Variants in ALG6 observed in about 807,000 individuals in gnomAD.
ALG6 encodes the protein dolichyl pyrophosphate Man9GlcNAc2 alpha-1,3-glucosyltransferase.
A neutral mutation model predicts 66.6 loss-of-function variants in ALG6; 46 were observed. The observed-to-expected ratio is 0.69, with a 90% CI of 0.55 to 0.88. The LOEUF is 0.88. Ranked by LOEUF, ALG6 falls within the 40% of genes least tolerant of loss-of-function variation. The pLI is 0.00. For synonymous variants in ALG6, 185 were observed against 203.7 expected (o/e 0.91, Z 0.78); for missense variants, 505 against 586.8 (o/e 0.86, Z 1.44).
rs367602032 is a variant in ALG6 at position 63,424,053 on chromosome 1, C to T, written c.1058+4613C>T. The stretch of plus-strand genomic sequence containing the variant: ...CTCATCGTGATTCTGATTTGCATAT[C>T]CCTAATTACTAATGATATTGAACAT... On this transcript the variant is annotated intron_variant, in intron 12 of 14. Transcript: ENST00000263440. Among the ~76,000 whole-genome samples, 10 of 152,282 alleles carry T rather than the reference C, an allele frequency of 6.6e-5. No homozygotes were observed. The East Asian group carries it at 9.6e-4, about 15-fold the overall frequency.
intron 5 of ALG6, among the ~76,000 whole-genome samples, chr1:63,405,459 T>C (rs74880649): frequency 1.3e-5 from 2 of 152,144 alleles, no homozygotes; most frequent in African/African-American, 4.8e-5. Context: ...ACAAGTCTGA[T>C]CCCTTGTATC....
intron 2 of ALG6, among the ~76,000 whole-genome samples, chr1:63,371,568 A>T (rs1285901289): frequency 6.6e-6 from 1 of 152,144 alleles, no homozygotes; most frequent in Non-Finnish European, 1.5e-5. Flanking sequence ...CAAGATGAAT[A>T]GCCAATACTC....
At chr1:63,422,238 T>TATTTATATAG (rs1304712406) in intron 12 of ALG6, among the ~76,000 whole-genome samples, 1,040 of 73,818 alleles carry the variant, frequency 0.014, 198 homozygotes, top group African/African-American at 0.016. Context: ...TATAAATATA[T>TATTTATATAG]ATATAAATAT....
chr1:63,400,446 T>C (rs1456104142), intron 3 of ALG6, among the ~76,000 whole-genome samples: 16 of 148,834 alleles, frequency 1.1e-4, no homozygotes, highest in African/African-American at 4.0e-4. Flanking sequence ...GATGCTTTAC[T>C]TGAAACACTT....
intron 3 of ALG6, 26 bp from the exon 4 acceptor site, chr1:63,402,228 T>C (rs1160272434): frequency 7.4e-7 from 1 of 1,345,574 alleles, no homozygotes; most frequent in South Asian, 1.2e-5. Context: ...AACGGAATGG[T>C]GCTTTCTTCT....
At position 63,411,190 on chromosome 1, in the gene ALG6, G is replaced by C. The variant is rs1188111487; in HGVS notation, c.539G>C (p.Gly180Ala). ...GGCTTTGCTTTGTGGGGTGTTCTTG[G>C]AATATCTTGTGACTGCGACCTCCTA... ...SLGFALWGVL[G>A]ISCDCDLLGS... The change falls in exon 8 of 15, where the codon GGA becomes GCA. Residue 180 changes from glycine (G) to alanine (A), a missense_variant. By Grantham distance (60) the Gly-to-Ala change is moderately conservative. Coordinates refer to ENST00000263440, the MANE Select transcript of ALG6 (RefSeq NM_013339.4). 2 of 1,613,820 alleles carry C rather than the reference G, an allele frequency of 1.2e-6. No individual in the cohort carries two copies. Among genetic ancestry groups the C allele is most frequent in the Admixed American group, 1.7e-5 (1 of 59,994 alleles).
intron 2 of ALG6, among the ~76,000 whole-genome samples, chr1:63,381,954 T>A (rs1360841603): frequency 6.6e-6 from 1 of 152,148 alleles, no homozygotes; most frequent in Admixed American, 6.5e-5. Context: ...TCAGGCACTG[T>A]AACCTTGGGC....
intron 3 of ALG6, among the ~76,000 whole-genome samples, chr1:63,400,320 CGTATATAT>C (rs1557587815): frequency 0.025 from 113 of 4,474 alleles, 33 homozygotes; most frequent in African/African-American, 0.18. Flanking sequence ...TATATATATA[CGTATATAT>C]ATATATACGT....
chr1:63,410,541 C>T (rs1180702125), intron 7 of ALG6, among the ~76,000 whole-genome samples: 1 of 152,116 alleles, frequency 6.6e-6, no homozygotes, highest in Non-Finnish European at 1.5e-5. Context: ...AGGTGTGAGC[C>T]ACGACTTCTG....
chr1:63,422,262 G>GATATAAATATATATATTTATATCT (rs1644584902), intron 12 of ALG6, among the ~76,000 whole-genome samples: 1 of 31,020 alleles, frequency 3.2e-5, no homozygotes, highest in Non-Finnish European at 5.1e-5. Context: ...TATTTATATA[G>GATATAAATATATATATTTATATCT]ATATAAATAT....
In ALG6 at chr1:63,375,167, A is replaced by C. The variant is rs111578516; in HGVS notation, c.82+4108A>C. On this transcript the variant is annotated intron_variant, in intron 2 of 14. Coordinates refer to ENST00000263440, the MANE Select transcript of ALG6 (RefSeq NM_013339.4). ...AGTGAGCCAGAGATGGTGCCACTGC[A>C]CTTCAGCCTGGGTGACAGAGGGAGA... Among the ~76,000 whole-genome samples the C allele has an allele frequency of 2.9e-3, 434 of 152,144 alleles. 3 individuals are homozygous for C. The highest frequency in any genetic ancestry group is 9.6e-3 in the African/African-American group (397 of 41,528).
In ALG6 at chr1:63,411,220, C is replaced by A; in HGVS notation, c.569C>A (p.Ser190Ter). The change falls in exon 8 of 15, where the codon TCA becomes TAA. Residue 190 changes from serine (S) to a stop codon, truncating the protein, a stop_gained. Coordinates refer to ENST00000263440, the MANE Select transcript of ALG6 (RefSeq NM_013339.4). LOFTEE classifies it high-confidence loss of function. ...GISCDCDLLGSLAFCLAINYK... is the reference protein window; with the variant it reads ...GISCDCDLLG The stretch of plus-strand genomic sequence containing the variant: ...TCTTGTGACTGCGACCTCCTAGGGT[C>A]ACTGGCATTTTGCTTAGCTATAAAT... The A allele has an allele frequency of 6.2e-7, 1 of 1,613,900 alleles. No individual in the cohort carries two copies. Among genetic ancestry groups the A allele is most frequent in the African/African-American group, 1.3e-5 (1 of 75,012 alleles).
At position 63,404,465 on chromosome 1, in the gene ALG6, A is replaced by G. The variant is rs1248079403; in HGVS notation, c.270A>G (p.Ile90Met). The stretch of plus-strand genomic sequence containing the variant: ...CTTTGATTTGCAGGGCAAAGTTTAT[A>G]AATCCAGACTGGATTGCTCTCCATA... ...SLLCAYVAKF[I>M]NPDWIALHTS... Residue 90 changes from isoleucine (I) to methionine (M), a missense_variant, in exon 5 of 15, where the codon ATA becomes ATG. By Grantham distance (10) the Ile-to-Met change is conservative (BLOSUM62 1). Transcript: ENST00000263440. 22 of 1,613,526 alleles carry G rather than the reference A, an allele frequency of 1.4e-5. No homozygotes were observed. The highest frequency in any genetic ancestry group is 1.9e-5 in the Non-Finnish European group (22 of 1,179,638).
intron 12 of ALG6, among the ~76,000 whole-genome samples, chr1:63,427,675 T>A (rs911829268): frequency 6.6e-6 from 1 of 152,106 alleles, no homozygotes; most frequent in Non-Finnish European, 1.5e-5. Context: ...GACTCAGGGC[T>A]TCACACTAGC....
chr1:63,419,332 AGTT>A, intron 11 of ALG6, 35 bp from the exon 12 acceptor site: 1 of 1,463,382 alleles, frequency 6.8e-7, no homozygotes, highest in Non-Finnish European at 9.5e-7. Flanking sequence ...CTATTTCACA[AGTT>A]GTTATATCTC....
At chr1:63,427,943 A>G (rs1644625851) in intron 12 of ALG6, among the ~76,000 whole-genome samples, 1 of 151,816 alleles carries the variant, frequency 6.6e-6, no homozygotes, top group Non-Finnish European at 1.5e-5. Flanking sequence ...AGTAGCTGGG[A>G]TTACAGGCAC....
At chr1:63,402,124 T>G in intron 3 of ALG6, 130 bp from the exon 4 acceptor site, 1 of 708,194 alleles carries the variant, frequency 1.4e-6, no homozygotes, top group Non-Finnish European at 2.5e-6. Flanking sequence ...CATGGCTTAA[T>G]TATTAATAGC....
chr1:63,422,408 A>AATATATATATAAATATAAATATCT (rs1557595345), intron 12 of ALG6, among the ~76,000 whole-genome samples: 1 of 85,954 alleles, frequency 1.2e-5, no homozygotes, highest in Non-Finnish European at 2.2e-5. Flanking sequence ...TATCTATATA[A>AATATATATATAAATATAAATATCT]ATATAAATAT....
In ALG6 at chr1:63,437,164, T is replaced by C. The variant is rs951559077; in HGVS notation, c.*144T>C. ...CAGGAAAGGAAATGGTGAAAAGTCA[T>C]TGTTGTCTACACAAAATAAATGTAT... On this transcript the variant is annotated 3_prime_UTR_variant, in exon 15 of 15. Coordinates refer to ENST00000263440, the MANE Select transcript of ALG6 (RefSeq NM_013339.4). 1.3e-6 allele frequency: 1 copy of C among 748,740 alleles called. No homozygotes were observed. The allele number at this position is 748,740 out of a possible 1,614,324, so 46.4% of individuals were successfully genotyped here. A position where few individuals can be genotyped will look rare whatever the true frequency, so the allele number is the denominator to read the frequency against.
Sources: allele counts gnomAD v4.1 joint callset (sites outside exome capture counted in the v4.1 genomes callset), GRCh38; gene constraint gnomAD v4.1.1; transcripts MANE v1.5; gene names NCBI Gene and HGNC (gene_info 2026-07-23, HGNC 2026-07-21).